Variants in AFF3 observed in about 807,000 individuals in gnomAD.
The protein encoded by AFF3 is ALF transcription elongation factor 3.
A neutral mutation model predicts 129.7 loss-of-function variants in AFF3; 32 were observed. That is an observed-to-expected ratio of 0.25 (90% CI 0.19 to 0.33). The LOEUF (loss-of-function observed/expected upper bound fraction) is 0.33, where lower values mean the gene tolerates loss of function less well. Ranked by LOEUF, AFF3 falls within the 10% of genes least tolerant of loss-of-function variation. AFF3 has a pLI of 1.00. For missense variants in AFF3, 1,373 were observed against 1,592.0 expected, an observed-to-expected ratio of 0.86 and a Z score of 2.34; for synonymous variants, 644 against 635.4, an observed-to-expected ratio of 1.01 and a Z score of -0.20.
intron 11 of AFF3, among the ~76,000 whole-genome samples, chr2:99,696,899 G>C (rs1575724698): frequency 6.6e-6 from 1 of 152,142 alleles, no homozygotes. Context: ...TGCTACCTTG[G>C]CGTCCCAAAG....
intron 4 of AFF3, among the ~76,000 whole-genome samples, chr2:100,010,980 G>C (rs1304746243): frequency 6.6e-6 from 1 of 152,132 alleles, no homozygotes; most frequent in African/African-American, 2.4e-5. Context: ...CCTGCAGTTA[G>C]AAAACAAAAA....
chr2:99,610,256 C>A (rs1680791301), intron 13 of AFF3, among the ~76,000 whole-genome samples: 1 of 152,196 alleles, frequency 6.6e-6, no homozygotes, highest in Non-Finnish European at 1.5e-5. Context: ...CCTCATGACA[C>A]CCTTTTAGGA....
chr2:100,104,462 G>A lies in AFF3; in HGVS notation c.-8C>T, dbSNP rs1559127395. ...TAAGTCGAAGCTGTCCATGGTGGGAGGTGTCAGCGTCGCCGCCGCCGCTAC... is the reference window on the plus strand; with the variant it reads ...TAAGTCGAAGCTGTCCATGGTGGGAAGTGTCAGCGTCGCCGCCGCCGCTAC... On this transcript the variant is annotated 5_prime_UTR_variant, in exon 4 of 25. Coordinates refer to ENST00000672756, the MANE Select transcript of AFF3 (RefSeq NM_001386135.1). The A allele has an allele frequency of 2.3e-6, 3 of 1,313,612 alleles. No individual in the cohort carries two copies. The highest frequency in any genetic ancestry group is 5.1e-5 in the East Asian group (1 of 19,790). 81.4% of individuals were successfully genotyped at this position (1,313,612 alleles called of 1,614,324 possible). A position where few individuals can be genotyped will look rare whatever the true frequency, so the allele number is the denominator to read the frequency against.
chr2:100,048,036 G>T (rs1188156684), intron 4 of AFF3, among the ~76,000 whole-genome samples: 1 of 152,186 alleles, frequency 6.6e-6, no homozygotes, highest in Non-Finnish European at 1.5e-5. Context: ...AGACGTTCTG[G>T]TGTTATACCT....
chr2:99,739,743 A>G (rs572186246), intron 10 of AFF3, among the ~76,000 whole-genome samples: 1 of 152,290 alleles, frequency 6.6e-6, no homozygotes, highest in African/African-American at 2.4e-5. Flanking sequence ...GTTAGTAATC[A>G]ATCCACACAG....
At chr2:99,731,849 C>T (rs908024610) in intron 10 of AFF3, among the ~76,000 whole-genome samples, 1 of 152,218 alleles carries the variant, frequency 6.6e-6, no homozygotes, top group African/African-American at 2.4e-5. Context: ...ACAGGTTTGT[C>T]TCAAGCTAAG....
In AFF3 at chr2:99,593,248, T is replaced by G; in HGVS notation, c.2413A>C (p.Thr805Pro). ...GCCTTTTCTGCAGGTGTGTCCGAGG[T>G]GTGGCTGGGCGGTGCGCTCTCAGAG... Reference protein sequence around the residue: ...KDSESAPPSHTSDTPAEKALP... With the variant: ...KDSESAPPSHPSDTPAEKALP... The change falls in exon 15 of 25, where the codon ACC (threonine) becomes CCC (proline). Residue 805 changes from threonine (T) to proline (P), a missense_variant. By Grantham distance (38) the Thr-to-Pro change is conservative (BLOSUM62 -1). Around this residue, in one of 9 missense-constraint regions of AFF3, gnomAD observed 466 missense variants for 505.0 expected, o/e 0.92. Transcript: ENST00000672756. 1.2e-6 allele frequency: 2 copies of G among 1,610,290 alleles called. No individual in the cohort carries two copies. Among genetic ancestry groups the G allele is most frequent in the Non-Finnish European group, 8.5e-7 (1 of 1,177,374 alleles).
intron 4 of AFF3, among the ~76,000 whole-genome samples, chr2:100,083,518 GCCCA>G (rs1381735073): frequency 2.6e-5 from 4 of 152,118 alleles, no homozygotes; most frequent in African/African-American, 9.7e-5. Context: ...CCCTCTTCGT[GCCCA>G]CCGTTTCCTT....
At chr2:99,753,818 AC>A (rs1681869757) in intron 8 of AFF3, among the ~76,000 whole-genome samples, 1 of 152,194 alleles carries the variant, frequency 6.6e-6, no homozygotes, top group Non-Finnish European at 1.5e-5. Flanking sequence ...CCAATTGTAT[AC>A]AATTTTATAC....
chr2:99,595,980 C>T (rs1000206454), intron 14 of AFF3, among the ~76,000 whole-genome samples: 2 of 152,182 alleles, frequency 1.3e-5, no homozygotes, highest in Non-Finnish European at 2.9e-5. Flanking sequence ...TCAGTGAAGG[C>T]CAGAATGAGG....
intron 7 of AFF3, among the ~76,000 whole-genome samples, chr2:99,861,504 A>G (rs772034799): frequency 7.9e-5 from 12 of 152,196 alleles, no homozygotes; most frequent in Admixed American, 2.6e-4. Context: ...AAATGGTTAA[A>G]TAATGTCTCA....
intron 4 of AFF3, among the ~76,000 whole-genome samples, chr2:100,038,004 G>T (rs905540730): frequency 1.5e-4 from 22 of 151,146 alleles, no homozygotes; most frequent in Non-Finnish European, 2.5e-4. Flanking sequence ...CTGAAATGAC[G>T]ATGGGTAAAA....
intron 4 of AFF3, among the ~76,000 whole-genome samples, chr2:100,021,156 C>G (rs947465549): frequency 3.9e-5 from 6 of 152,146 alleles, no homozygotes; most frequent in African/African-American, 1.4e-4. Flanking sequence ...CTATATAAGT[C>G]GTACGTAGAA....
rs202005904 is a variant in AFF3, at chr2:99,606,266, A to AT, written c.1185-4646_1185-4645insA. Among the ~76,000 whole-genome samples the AT allele has an allele frequency of 6.6e-3, 997 of 152,202 alleles. 8 individuals are homozygous for AT. Among genetic ancestry groups the AT allele is most frequent in the African/African-American group, 0.022 (897 of 41,518 alleles). ...GGTGACAGCAAGGCCCTGTAAAAAA[A>AT]ATATATATATTATAGTGGATTTTTT... On this transcript the variant is annotated intron_variant, in intron 13 of 24. Transcript: ENST00000672756.
chr2:99,590,398 G>C (rs1253399034), intron 15 of AFF3, among the ~76,000 whole-genome samples: 1 of 152,186 alleles, frequency 6.6e-6, no homozygotes, highest in Non-Finnish European at 1.5e-5. Flanking sequence ...TCAATTTGCA[G>C]CATCACAAAT....
intron 8 of AFF3, among the ~76,000 whole-genome samples, chr2:99,781,080 C>T (rs72817089): frequency 0.055 from 8,299 of 152,202 alleles, 321 homozygotes; most frequent in Non-Finnish European, 0.079. Flanking sequence ...ACTCATCATT[C>T]TCCCCTTACT....
intron 7 of AFF3, among the ~76,000 whole-genome samples, chr2:99,915,947 A>T (rs1321278509): frequency 6.6e-6 from 1 of 152,220 alleles, no homozygotes; most frequent in Non-Finnish European, 1.5e-5. Flanking sequence ...GAAGAGTCTG[A>T]AATGCTGGCT....
At chr2:99,796,705 G>C (rs1233048909) in intron 8 of AFF3, among the ~76,000 whole-genome samples, 1 of 152,176 alleles carries the variant, frequency 6.6e-6, no homozygotes. Context: ...TGAGTATTCA[G>C]CAGAGTTCTG....
chr2:99,883,679 G>A (rs550120904), intron 7 of AFF3, among the ~76,000 whole-genome samples: 2 of 152,180 alleles, frequency 1.3e-5, no homozygotes, highest in East Asian at 1.9e-4. Flanking sequence ...CCTCATTCTC[G>A]CCCTCAGGGT....
Sources: allele counts gnomAD v4.1 joint callset (sites outside exome capture counted in the v4.1 genomes callset), GRCh38; gene constraint gnomAD v4.1.1; regional missense constraint gnomAD v4.1.1; transcripts MANE v1.5; gene names NCBI Gene and HGNC (gene_info 2026-07-23, HGNC 2026-07-21).